Variants in SEMA5A observed in about 807,000 individuals in gnomAD.
SEMA5A encodes semaphorin-5A.
Under a neutral mutation model 135.5 loss-of-function variants are expected in SEMA5A, and 55 were observed. The ratio of observed to expected loss-of-function variants is 0.41; its 90% confidence interval spans 0.33 to 0.51. The LOEUF (loss-of-function observed/expected upper bound fraction) is 0.51, where lower values mean the gene tolerates loss of function less well. Among genes scored for constraint, SEMA5A ranks in the 20% least tolerant of loss-of-function variants. SEMA5A has a pLI of 0.37. For synonymous variants in SEMA5A, 580 were observed against 546.5 expected, an observed-to-expected ratio of 1.06 and a Z score of -0.85; for missense variants, 1,290 against 1,419.9, an observed-to-expected ratio of 0.91 and a Z score of 1.47.
intron 1 of SEMA5A, among the ~76,000 whole-genome samples, chr5:9,448,193 C>G (rs376699769): frequency 4.6e-4 from 70 of 152,314 alleles, no homozygotes; most frequent in African/African-American, 1.7e-3. Context: ...CTGAGCTATC[C>G]TATGGACCTA....
intron 5 of SEMA5A, among the ~76,000 whole-genome samples, chr5:9,296,438 C>T (rs961930774): frequency 6.6e-6 from 1 of 152,222 alleles, no homozygotes; most frequent in South Asian, 2.1e-4. Flanking sequence ...GCTATAAGTA[C>T]ATGATGTGAC....
intron 1 of SEMA5A, among the ~76,000 whole-genome samples, chr5:9,531,101 C>G (rs1737407608): frequency 6.6e-6 from 1 of 152,100 alleles, no homozygotes; most frequent in African/African-American, 2.4e-5. Context: ...CTAAAAAACT[C>G]CAGGAAGCAT....
chr5:9,304,254 T>C (rs1039574035), intron 5 of SEMA5A, among the ~76,000 whole-genome samples: 1 of 152,144 alleles, frequency 6.6e-6, no homozygotes, highest in Non-Finnish European at 1.5e-5. Context: ...ATTAACACTT[T>C]CTCTTTGTTA....
Position 9,044,471 on chromosome 5 carries a change from C to T in SEMA5A, c.3007G>A (p.Ala1003Thr), listed in dbSNP as rs1736133944. The T allele has an allele frequency of 1.9e-6, 3 of 1,613,990 alleles. No individual in the cohort carries two copies. The highest frequency in any genetic ancestry group is 2.5e-6 in the Non-Finnish European group (3 of 1,180,010). Residue 1003 changes from alanine to threonine, a missense_variant, in exon 22 of 23, where the codon GCG (alanine) becomes ACG (threonine). Coordinates refer to ENST00000382496, the MANE Select transcript of SEMA5A (RefSeq NM_003966.3). ...GGTGAGACGGGGTGGATGACAGTCG[C>T]ATCGTGGGATTGCTGCTGGTACCGC... Reference protein sequence around the residue: ...CQRYQQQSHDATVIHPVSPAP... With the variant: ...CQRYQQQSHDTTVIHPVSPAP...
At chr5:9,463,438 G>T (rs1272229953) in intron 1 of SEMA5A, among the ~76,000 whole-genome samples, 1 of 152,034 alleles carries the variant, frequency 6.6e-6, no homozygotes, top group Non-Finnish European at 1.5e-5. Flanking sequence ...TATTTTCCAG[G>T]CAAGTTAGTT....
Position 9,463,415 on chromosome 5 carries a change from A to T in SEMA5A, c.-174-25563T>A, listed in dbSNP as rs182475953. 1.6e-4 allele frequency among the ~76,000 whole-genome samples: 25 copies of T among 152,316 alleles called. 1 individual carries two copies. The East Asian group carries it at 4.4e-3, about 27-fold the overall frequency. ...GGCAGGAGGTCAGGACAATATCATG[A>T]ACAATTAAGTATTATTTTCCAGGCA... On this transcript the variant is annotated intron_variant, in intron 1 of 22. Transcript: ENST00000382496.
At chr5:9,202,387 GCTT>G in intron 8 of SEMA5A, 147 bp from the exon 9 acceptor site, 32 of 548,402 alleles carry the variant, frequency 5.8e-5, no homozygotes, top group South Asian at 4.6e-4. Context: ...CCCGTGAGCA[GCTT>G]AATGATCTAC....
intron 1 of SEMA5A, among the ~76,000 whole-genome samples, chr5:9,527,155 G>T (rs1737178067): frequency 6.6e-6 from 1 of 152,118 alleles, no homozygotes; most frequent in Admixed American, 6.5e-5. Context: ...GGAGGAGTGA[G>T]CACTTACCAG....
rs1283862465 is a variant in SEMA5A at position 9,163,920 on chromosome 5, T to C, written c.1274-9225A>G. Among the ~76,000 whole-genome samples, 5 of 150,528 alleles carry C rather than the reference T, an allele frequency of 3.3e-5. No homozygotes were observed. In the East Asian group the frequency reaches 9.6e-4, roughly 29 times the overall value. On this transcript the variant is annotated intron_variant, in intron 11 of 22. Transcript: ENST00000382496. ...AGGGCTGAGAAATAAATTTCTGTTGTTTAAGCTGCTCAGTCTATGGTACTT... is the reference window on the plus strand; with the variant it reads ...AGGGCTGAGAAATAAATTTCTGTTGCTTAAGCTGCTCAGTCTATGGTACTT...
At chr5:9,082,097 T>C (rs1330942031) in intron 16 of SEMA5A, among the ~76,000 whole-genome samples, 1 of 152,198 alleles carries the variant, frequency 6.6e-6, no homozygotes, top group Non-Finnish European at 1.5e-5. Context: ...GAGAATGCTA[T>C]CTGGAATCAA....
intron 8 of SEMA5A, among the ~76,000 whole-genome samples, chr5:9,217,764 CA>C (rs1442456241): frequency 6.6e-6 from 1 of 152,172 alleles, no homozygotes; most frequent in Non-Finnish European, 1.5e-5. Flanking sequence ...ATTCTTTCCT[CA>C]GCTTGGTTTA....
intron 9 of SEMA5A, 100 bp downstream of exon 9, chr5:9,201,855 T>C: frequency 8.5e-7 from 1 of 1,181,636 alleles, no homozygotes; most frequent in East Asian, 2.4e-5. Context: ...TTAAGAAAGA[T>C]TTTCTCTAAA....
chr5:9,202,761 T>C (rs996243446), intron 8 of SEMA5A, among the ~76,000 whole-genome samples: 5 of 152,206 alleles, frequency 3.3e-5, no homozygotes, highest in Non-Finnish European at 7.3e-5. Flanking sequence ...AATGTTTTCA[T>C]TGTTGGGAAT....
chr5:9,075,291 C>T (rs1737986528), intron 16 of SEMA5A, among the ~76,000 whole-genome samples: 1 of 152,156 alleles, frequency 6.6e-6, no homozygotes, highest in African/African-American at 2.4e-5. Context: ...CAAACGTATA[C>T]ATATCACATA....
chr5:9,221,967 G>C (rs1393116629), intron 8 of SEMA5A, among the ~76,000 whole-genome samples: 1 of 152,100 alleles, frequency 6.6e-6, no homozygotes, highest in African/African-American at 2.4e-5. Flanking sequence ...GAAGACAGAG[G>C]CTCCACCTTT....
intron 3 of SEMA5A, among the ~76,000 whole-genome samples, chr5:9,364,597 G>T (rs1327408838): frequency 6.6e-6 from 1 of 152,070 alleles, no homozygotes; most frequent in Non-Finnish European, 1.5e-5. Context: ...TCAGACCAAA[G>T]ACATAGTTAG....
rs535580107 is a variant in SEMA5A, at chr5:9,502,676, C to T, written c.-175+42908G>A. Among the ~76,000 whole-genome samples, 4 of 152,228 alleles carry T rather than the reference C, an allele frequency of 2.6e-5. No homozygotes were observed. In the South Asian group the frequency reaches 8.3e-4, roughly 32 times the overall value. ...GCAGGCTCGCAGAGAAACCAGAGAG[C>T]GCAGTCATAGTGGGAGGCCTTTAGC... On this transcript the variant is annotated intron_variant, in intron 1 of 22. Transcript: ENST00000382496.
chr5:9,250,448 T>C (rs543452104), intron 5 of SEMA5A, among the ~76,000 whole-genome samples: 4 of 152,312 alleles, frequency 2.6e-5, no homozygotes, highest in Admixed American at 1.3e-4. Context: ...TATACGATCC[T>C]GTTTAAAGAA....
intron 5 of SEMA5A, among the ~76,000 whole-genome samples, chr5:9,299,551 G>C (rs1039993012): frequency 6.6e-6 from 1 of 152,106 alleles, no homozygotes; most frequent in African/African-American, 2.4e-5. Context: ...CAGTGGAGTG[G>C]GAGAGGAAGA....
Sources: allele counts gnomAD v4.1 joint callset (sites outside exome capture counted in the v4.1 genomes callset), GRCh38; gene constraint gnomAD v4.1.1; transcripts MANE v1.5; gene names NCBI Gene and HGNC (gene_info 2026-07-23, HGNC 2026-07-21).